The following C1RL variants were observed in gnomAD, a reference collection of about 807,000 sequenced individuals.
C1RL encodes the protein complement C1r subcomponent-like protein.
In C1RL, 27 loss-of-function variants were observed where a neutral mutation model predicts 27.9. The observed-to-expected ratio is 0.97, with a 90% CI of 0.71 to 1.33. The LOEUF (loss-of-function observed/expected upper bound fraction) is 1.33. C1RL is among the 40% of genes most tolerant of loss of function. The probability of loss-of-function intolerance (pLI) is 0.00; values close to 1 mark genes in which losing one functional copy is unlikely to be tolerated. For synonymous variants in C1RL, 248 were observed against 252.1 expected (o/e 0.98, Z 0.15); for missense variants, 563 against 623.9 (o/e 0.90, Z 1.04).
chr12:7,101,950 C>T lies in C1RL; in HGVS notation c.438G>A (p.Glu146=). ...CCTTGTGGAGGTGGGCAGTCTTGTT[C>T]TCCGAGGAAGGCTGTGTGCGGAAGG... The part of the protein sequence containing the change: ...RLTFRTQPSS[E]NKTAHLHKGF... Residue 146 remains glutamate, a synonymous_variant, in exon 3 of 6, where the codon GAG becomes GAA. Transcript: ENST00000266542. The T allele has an allele frequency of 1.9e-6, 3 of 1,614,232 alleles. 1 individual carries two copies. In the South Asian group the frequency reaches 3.3e-5, roughly 18 times the overall value.
Position 7,096,479 on chromosome 12 carries a change from C to T in C1RL, c.1376G>A (p.Gly459Asp), listed in dbSNP as rs1464887813. Residue 459 changes from glycine to aspartate, a missense_variant, in exon 6 of 6, where the codon GGC becomes GAC. Gly to Asp is a moderately conservative substitution (Grantham distance 94). Coordinates refer to ENST00000266542, the MANE Select transcript of C1RL (RefSeq NM_016546.4). ...GTCATACCCTTCGCCACACCCTATG[C>T]CCCAGGACACAATGCCCGTGGCCAC... The part of the protein sequence containing the change: ...HWVATGIVSW[G>D]IGCGEGYDFY... 6.2e-6 allele frequency: 10 copies of T among 1,614,112 alleles called. No homozygotes were observed. The highest frequency in any genetic ancestry group is 8.5e-6 in the Non-Finnish European group (10 of 1,180,018).
At chr12:7,106,222 C>G (rs1187500274) in intron 2 of C1RL, among the ~76,000 whole-genome samples, 1 of 151,888 alleles carries the variant, frequency 6.6e-6, no homozygotes, top group Non-Finnish European at 1.5e-5. Flanking sequence ...AACTTCTTAA[C>G]AAAGTCTAGA....
chr12:7,107,099 C>T (rs866757648), intron 2 of C1RL, among the ~76,000 whole-genome samples: 3 of 152,190 alleles, frequency 2.0e-5, no homozygotes, highest in Middle Eastern at 6.8e-3. Context: ...AATGACTGCT[C>T]CTGAGGAGCA....
chr12:7,102,189 G>T, intron 2 of C1RL, 102 bp from the exon 3 acceptor site: 1 of 1,243,238 alleles, frequency 8.0e-7, no homozygotes, highest in East Asian at 2.4e-5. Flanking sequence ...GCCCCATCTA[G>T]ACGGGCCGTG....
intron 1 of C1RL, 97 bp downstream of exon 1, chr12:7,109,011 TGG>T (rs770764346): frequency 1.5e-4 from 50 of 326,002 alleles, no homozygotes; most frequent in Non-Finnish European, 1.3e-4. Context: ...GATGTGTGTG[TGG>T]GGGGGGTAGG....
At chr12:7,102,382 G>A (rs1938652807) in intron 2 of C1RL, among the ~76,000 whole-genome samples, 1 of 152,174 alleles carries the variant, frequency 6.6e-6, no homozygotes, top group South Asian at 2.1e-4. Context: ...GAACACCAGG[G>A]TTCCCATGGG....
chr12:7,097,571 C>T lies in C1RL; in HGVS notation c.692-408G>A, dbSNP rs1034706424. Among the ~76,000 whole-genome samples the T allele has an allele frequency of 8.5e-5, 13 of 152,176 alleles. No homozygotes were observed. In the South Asian group the frequency reaches 2.7e-3, roughly 32 times the overall value. ...TGCTGGGATTACAGGCGTGAGGCAC[C>T]GCGCCTGGCCGGGATCAGGACTCTT... On this transcript the variant is annotated intron_variant, in intron 5 of 5. Coordinates refer to ENST00000266542, the MANE Select transcript of C1RL (RefSeq NM_016546.4).
chr12:7,097,023 T>C lies in C1RL; in HGVS notation c.832A>G (p.Ile278Val). The C allele has an allele frequency of 6.2e-7, 1 of 1,614,090 alleles. No individual in the cohort carries two copies. The highest frequency in any genetic ancestry group is 8.5e-7 in the Non-Finnish European group (1 of 1,180,012). ...TAGATGGTGTGGGCAGCAGTGAGGA[T>C]CCATCTGTCCCCCAGCAGGGCCCCG... ...GGGALLGDRW[I>V]LTAAHTIYPK... Residue 278 changes from isoleucine to valine, a missense_variant, in exon 6 of 6, where the codon ATC (isoleucine) becomes GTC (valine). Physicochemically the swap from Ile to Val is conservative, Grantham distance 29. Coordinates refer to ENST00000266542, the MANE Select transcript of C1RL (RefSeq NM_016546.4).
rs752879493 is a variant in C1RL, at chr12:7,096,870, G to A, written c.985C>T (p.Arg329Cys). 29 of 1,598,946 alleles carry A rather than the reference G, an allele frequency of 1.8e-5. No homozygotes were observed. In the Middle Eastern group the frequency reaches 2.7e-3, roughly 148 times the overall value. ...VHRVVVHPDY[R>C]QNESHNFSGD... Reference sequence around the variant, plus strand: ...CTAAAGTTATGGGACTCATTCTGACGGTAGTCGGGGTGCACAACGACACGG... The same window carrying A: ...CTAAAGTTATGGGACTCATTCTGACAGTAGTCGGGGTGCACAACGACACGG... The change falls in exon 6 of 6, where the codon CGT becomes TGT. Residue 329 changes from arginine to cysteine, a missense_variant. Coordinates refer to ENST00000266542, the MANE Select transcript of C1RL (RefSeq NM_016546.4).
At chr12:7,102,194 G>A in intron 2 of C1RL, 107 bp from the exon 3 acceptor site, 1 of 1,180,756 alleles carries the variant, frequency 8.5e-7, no homozygotes, top group South Asian at 1.4e-5. Flanking sequence ...ATCTAGACGG[G>A]CCGTGCCCCT....
At chr12:7,107,900 G>T (rs1043028225) in intron 2 of C1RL, among the ~76,000 whole-genome samples, 2 of 152,230 alleles carry the variant, frequency 1.3e-5, no homozygotes, top group African/African-American at 4.8e-5. Context: ...ACCTGATAGA[G>T]CAGGCACTCA....
intron 5 of C1RL, among the ~76,000 whole-genome samples, chr12:7,099,009 A>G (rs758690765): frequency 2.6e-5 from 4 of 151,216 alleles, no homozygotes; most frequent in African/African-American, 9.7e-5. Flanking sequence ...CAGCCTGACC[A>G]ACGTGGTGAA....
chr12:7,102,319 A>G (rs769208722), intron 2 of C1RL, among the ~76,000 whole-genome samples: 19 of 152,320 alleles, frequency 1.2e-4, no homozygotes, highest in African/African-American at 4.3e-4. Context: ...TTAGCCTACC[A>G]TAATTATTTC....
At position 7,095,494 on chromosome 12, in the gene C1RL, G is replaced by C. The variant is rs941835877; in HGVS notation, c.*897C>G. ...TTCCCCTGATGATAGGGGCACAGGT[G>C]GGGTGTCTGCAAGAACTTCAGTCCA... On this transcript the variant is annotated 3_prime_UTR_variant, in exon 6 of 6. Coordinates refer to ENST00000266542, the MANE Select transcript of C1RL (RefSeq NM_016546.4). 5.1e-6 allele frequency: 5 copies of C among 988,796 alleles called. No homozygotes were observed. The highest frequency in any genetic ancestry group is 1.1e-4 in the East Asian group (1 of 8,868). 61.3% of individuals were successfully genotyped at this position (988,796 alleles called of 1,614,324 possible).
intron 1 of C1RL, 89 bp downstream of exon 1, chr12:7,109,021 A>T (rs1012749807): frequency 2.4e-5 from 7 of 291,932 alleles, no homozygotes; most frequent in Non-Finnish European, 4.1e-5. Context: ...TGGGGGGGGT[A>T]GGGTGGGGGG....
chr12:7,099,670 G>GCAGGT lies in C1RL; in HGVS notation c.691+11_691+15dup. Reference sequence around the variant, plus strand: ...GAGGCTTGTTGGGGGAATGGTGCTAGCAGGTGGCTACTCACCAGGCATACA... The same window carrying GCAGGT: ...GAGGCTTGTTGGGGGAATGGTGCTAGCAGGTCAGGTGGCTACTCACCAGGCATACA... On this transcript the variant is annotated intron_variant, in intron 5 of 5. Transcript: ENST00000266542. 6.4e-7 allele frequency: 1 copy of GCAGGT among 1,551,808 alleles called. No individual in the cohort carries two copies. The highest frequency in any genetic ancestry group is 8.7e-7 in the Non-Finnish European group (1 of 1,146,966).
At chr12:7,103,925 A>T (rs1457431533) in intron 2 of C1RL, among the ~76,000 whole-genome samples, 6 of 152,178 alleles carry the variant, frequency 3.9e-5, no homozygotes. Flanking sequence ...TATCATCCTG[A>T]CTGGTTAAGT....
In C1RL at chr12:7,099,696, C is replaced by A. The variant is rs1226806772; in HGVS notation, c.681G>T (p.Gln227His). ...KDRQDGEEVL[Q>H]CMPVCGRPVT... ...CAGGTGGCTACTCACCAGGCATACA[C>A]TGAAGAACCTCCTCCCCATCCTGTC... Residue 227 changes from glutamine (Q) to histidine (H), a missense_variant, in exon 5 of 6, where the codon CAG becomes CAT. Coordinates refer to ENST00000266542, the MANE Select transcript of C1RL (RefSeq NM_016546.4). 5.1e-6 allele frequency: 8 copies of A among 1,553,978 alleles called. No homozygotes were observed. The highest frequency in any genetic ancestry group is 1.7e-4 in the Middle Eastern group (1 of 6,018).
At chr12:7,099,537 C>G in intron 5 of C1RL, 149 bp downstream of exon 5, 1 of 1,407,882 alleles carries the variant, frequency 7.1e-7, no homozygotes. Flanking sequence ...CTGTTCTTTT[C>G]TGGGCCTTCT....
Sources: gnomAD v4.1 joint callset for allele counts (sites outside exome capture counted in the v4.1 genomes callset) on GRCh38, gnomAD v4.1.1 for gene constraint, MANE v1.5 for transcripts, NCBI Gene and HGNC (gene_info 2026-07-23, HGNC 2026-07-21) for gene names.